FGF12: variants seen among roughly 807,000 people sequenced by gnomAD.
FGF12 encodes fibroblast growth factor 12B.
Under a neutral mutation model 23.6 loss-of-function variants are expected in FGF12, and 14 were observed. That is an observed-to-expected ratio of 0.59 (90% CI 0.39 to 0.93). The LOEUF is 0.93. Among genes scored for constraint, FGF12 ranks in the 40% least tolerant of loss-of-function variants. The pLI is 0.00. For missense variants in FGF12, 175 were observed against 217.8 expected (o/e 0.80, Z 1.24); for synonymous variants, 62 against 77.3 (o/e 0.80, Z 1.04).
chr3:192,412,578 A>T (rs1405034), intron 2 of FGF12, among the ~76,000 whole-genome samples: 104,226 of 152,080 alleles, frequency 0.69, 36,055 homozygotes, highest in East Asian at 0.83. Flanking sequence ...ATTGTCAGAG[A>T]GCTTTTTGGC....
intron 5 of FGF12, among the ~76,000 whole-genome samples, chr3:192,170,125 A>T (rs530216293): frequency 4.4e-4 from 58 of 130,782 alleles, no homozygotes; most frequent in African/African-American, 1.8e-3. Flanking sequence ...AGTATTTGTA[A>T]TAGAATTTTC....
At chr3:192,455,320 A>G (rs1363669099) in intron 2 of FGF12, among the ~76,000 whole-genome samples, 3 of 152,154 alleles carry the variant, frequency 2.0e-5, no homozygotes, top group African/African-American at 7.2e-5. Context: ...CTCAACTCAG[A>G]TGGGGTGATG....
intron 2 of FGF12, among the ~76,000 whole-genome samples, chr3:192,615,310 A>T (rs1714716891): frequency 6.6e-6 from 1 of 152,042 alleles, no homozygotes; most frequent in African/African-American, 2.4e-5. Context: ...AAAAGATTCG[A>T]AATTCTCCCT....
At chr3:192,237,325 C>A (rs748055393) in intron 4 of FGF12, among the ~76,000 whole-genome samples, 11 of 152,058 alleles carry the variant, frequency 7.2e-5, no homozygotes, top group Non-Finnish European at 1.0e-4. Context: ...GGATGGTCAT[C>A]TTGTATAGTA....
chr3:192,155,684 T>A (rs1314864048), intron 5 of FGF12, among the ~76,000 whole-genome samples: 3 of 152,230 alleles, frequency 2.0e-5, no homozygotes, highest in Non-Finnish European at 4.4e-5. Flanking sequence ...TTATTCATGA[T>A]CTTATATAAA....
chr3:192,247,032 AGAAGGAAGGAAG>A (rs71177355), intron 4 of FGF12, among the ~76,000 whole-genome samples: 10,245 of 86,026 alleles, frequency 0.12, 772 homozygotes, highest in Middle Eastern at 0.15. Context: ...AGGGAAGGAA[AGAAGGAAGGAAG>A]GAAGGAAGGA....
chr3:192,630,966 G>A (rs936227414), intron 2 of FGF12, among the ~76,000 whole-genome samples: 1 of 151,940 alleles, frequency 6.6e-6, no homozygotes, highest in Non-Finnish European at 1.5e-5. Context: ...CACATCTGCA[G>A]GCACTTCCAA....
chr3:192,511,466 C>G (rs1345291456), intron 2 of FGF12, among the ~76,000 whole-genome samples: 1 of 152,164 alleles, frequency 6.6e-6, no homozygotes, highest in East Asian at 1.9e-4. Context: ...CCCCTGACTA[C>G]ATTTTGAGAG....
rs1716724578 is a variant in FGF12 at position 192,662,876 on chromosome 3, G to GT, written c.13+64304dup. Among the ~76,000 whole-genome samples the GT allele has an allele frequency of 7.2e-5, 11 of 152,302 alleles. No individual in the cohort carries two copies. The South Asian group carries it at 2.3e-3, about 32-fold the overall frequency. On this transcript the variant is annotated intron_variant, in intron 2 of 5. Coordinates refer to ENST00000445105, the MANE Select transcript of FGF12 (RefSeq NM_004113.6). ...CACAAATACTTGTATGTTTAGTACT[G>GT]TTTATCTCCAAAGATCGTTGGGAGA... is the stretch of plus-strand genomic sequence containing the variant.
chr3:192,327,679 G>A (rs139495943), intron 4 of FGF12, among the ~76,000 whole-genome samples: 10 of 151,800 alleles, frequency 6.6e-5, no homozygotes, highest in African/African-American at 1.5e-4. Flanking sequence ...CTAGTTATGC[G>A]TTCTAGACAT....
chr3:192,684,134 T>A (rs1466849958), intron 2 of FGF12, among the ~76,000 whole-genome samples: 2 of 152,164 alleles, frequency 1.3e-5, no homozygotes, highest in Non-Finnish European at 2.9e-5. Context: ...TAGTTTTAAG[T>A]TTGATCCCAT....
chr3:192,508,307 T>G (rs567382854), intron 2 of FGF12, among the ~76,000 whole-genome samples: 1 of 152,326 alleles, frequency 6.6e-6, no homozygotes, highest in South Asian at 2.1e-4. Flanking sequence ...TGCCCCACAT[T>G]TAATGGCATC....
chr3:192,408,471 C>A lies in FGF12; in HGVS notation c.14-47933G>T. The A allele has an allele frequency of 7.4e-7, 1 of 1,350,224 alleles. No homozygotes were observed. Among genetic ancestry groups the A allele is most frequent in the East Asian group, 3.0e-5 (1 of 33,558 alleles). 83.6% of individuals were successfully genotyped at this position (1,350,224 alleles called of 1,614,324 possible). ...AACCTCTGGCGGCCGGGGGGCGGGG[C>A]GGGGCGGTCCCAGGCCCTCTTGCGA... On this transcript the variant is annotated intron_variant, in intron 2 of 5. Coordinates refer to ENST00000445105, the MANE Select transcript of FGF12 (RefSeq NM_004113.6). This position sits in a 1 kb window ranked among gnomAD's most constrained non-coding sequence, Gnocchi z 7.3.
intron 4 of FGF12, among the ~76,000 whole-genome samples, chr3:192,271,017 G>T (rs766053504): frequency 3.3e-5 from 5 of 152,150 alleles, no homozygotes; most frequent in African/African-American, 7.2e-5. Context: ...ATTCCCTGCA[G>T]TAAGGATGGT....
intron 4 of FGF12, among the ~76,000 whole-genome samples, chr3:192,215,089 G>A (rs893893910): frequency 1.3e-5 from 2 of 152,122 alleles, no homozygotes; most frequent in Non-Finnish European, 2.9e-5. Flanking sequence ...CGTTGTCATC[G>A]GCTCTTCCCG....
intron 2 of FGF12, among the ~76,000 whole-genome samples, chr3:192,396,593 G>A (rs1355757170): frequency 1.3e-5 from 2 of 152,176 alleles, no homozygotes; most frequent in Admixed American, 6.5e-5. Context: ...CAGGTGTATT[G>A]TAATGAGCTC....
chr3:192,309,409 C>T (rs74928357), intron 4 of FGF12, among the ~76,000 whole-genome samples: 3,351 of 152,208 alleles, frequency 0.022, 116 homozygotes, highest in African/African-American at 0.075. Context: ...TGTGGAGGTA[C>T]TGTTGGGTGG....
intron 2 of FGF12, among the ~76,000 whole-genome samples, chr3:192,417,778 T>G (rs979635977): frequency 1.3e-5 from 2 of 152,018 alleles, no homozygotes; most frequent in Admixed American, 1.3e-4. Context: ...GCAACCCTGA[T>G]AAAACCCTAA....
chr3:192,267,802 T>C (rs1179128999), intron 4 of FGF12, among the ~76,000 whole-genome samples: 1 of 152,218 alleles, frequency 6.6e-6, no homozygotes, highest in Non-Finnish European at 1.5e-5. Context: ...ACATTTTAAA[T>C]TATAAAATAT....
Sources: allele counts gnomAD v4.1 joint callset (sites outside exome capture counted in the v4.1 genomes callset), GRCh38; gene constraint gnomAD v4.1.1; non-coding constraint Gnocchi (gnomAD v3.1); transcripts MANE v1.5; gene names NCBI Gene and HGNC (gene_info 2026-07-23, HGNC 2026-07-21).